Variants in IMMP2L observed in about 807,000 individuals in gnomAD.
IMMP2L encodes the protein mitochondrial inner membrane protease subunit 2.
A neutral mutation model predicts 19.3 loss-of-function variants in IMMP2L; 18 were observed. That is an observed-to-expected ratio of 0.93 (90% CI 0.64 to 1.38). The LOEUF is 1.38. IMMP2L is among the 40% of genes most tolerant of loss of function. The pLI is 0.00. For missense variants in IMMP2L, 233 were observed against 218.2 expected (o/e 1.07, Z -0.43); for synonymous variants, 76 against 73.0 (o/e 1.04, Z -0.21).
chr7:111,483,500 TTAAA>T (rs1419784157), intron 3 of IMMP2L: 2 of 152,262 alleles, frequency 1.3e-5, no homozygotes, highest in African/African-American at 4.8e-5. Flanking sequence ...AATAATGTTA[TTAAA>T]TAAATGTAGC....
At chr7:111,521,068 T>C (rs1435277792) in intron 2 of IMMP2L, among the ~76,000 whole-genome samples, 1 of 152,146 alleles carries the variant, frequency 6.6e-6, no homozygotes, top group East Asian at 1.9e-4. Context: ...CCATTTAAAA[T>C]TCTCAGAAAA....
intron 5 of IMMP2L, among the ~76,000 whole-genome samples, chr7:110,874,144 A>G (rs970978961): frequency 1.3e-5 from 2 of 152,176 alleles, no homozygotes; most frequent in African/African-American, 4.8e-5. Context: ...GTAATATAAA[A>G]GCACATTAAA....
At position 111,021,211 on chromosome 7, in the gene IMMP2L, C is replaced by G. The variant is rs141040792; in HGVS notation, c.240-57646G>C. ...TTATAGGTTAGCTATTTCCTCATGG[C>G]AGACAAAACAGTTTCCATTATCCAG... On this transcript the variant is annotated intron_variant, in intron 3 of 5. Transcript: ENST00000405709. Among the ~76,000 whole-genome samples the G allele has an allele frequency of 6.1e-4, 93 of 152,294 alleles. 1 individual carries two copies. Among genetic ancestry groups the G allele is most frequent in the African/African-American group, 2.1e-3 (88 of 41,554 alleles).
At chr7:110,851,798 T>C (rs937040918) in intron 5 of IMMP2L, among the ~76,000 whole-genome samples, 1 of 152,130 alleles carries the variant, frequency 6.6e-6, no homozygotes, top group Non-Finnish European at 1.5e-5. Flanking sequence ...ATGCAGAAAT[T>C]AAAAATGATA....
intron 3 of IMMP2L, among the ~76,000 whole-genome samples, chr7:111,067,073 A>T (rs906454912): frequency 6.6e-6 from 1 of 152,138 alleles, no homozygotes; most frequent in African/African-American, 2.4e-5. Context: ...TGGAAACTTC[A>T]TGTCTGGTAC....
chr7:111,400,615 A>G (rs1833332651), intron 3 of IMMP2L, among the ~76,000 whole-genome samples: 1 of 152,054 alleles, frequency 6.6e-6, no homozygotes, highest in Non-Finnish European at 1.5e-5. Context: ...CTGTAGTCTG[A>G]ACAACAGTGC....
chr7:111,071,845 C>T (rs910056912), intron 3 of IMMP2L, among the ~76,000 whole-genome samples: 1 of 152,014 alleles, frequency 6.6e-6, no homozygotes, highest in Non-Finnish European at 1.5e-5. Context: ...TAAATGCCAG[C>T]AAATTTATAC....
At chr7:111,337,812 T>C (rs1430066346) in intron 3 of IMMP2L, among the ~76,000 whole-genome samples, 2 of 152,118 alleles carry the variant, frequency 1.3e-5, no homozygotes, top group South Asian at 2.1e-4. Context: ...CTAAGTACCA[T>C]ACATTCAGGA....
intron 5 of IMMP2L, among the ~76,000 whole-genome samples, chr7:110,878,901 T>C (rs1038386322): frequency 1.3e-5 from 2 of 152,156 alleles, no homozygotes; most frequent in African/African-American, 2.4e-5. Context: ...GGTATATTTA[T>C]CAAGTTAGGA....
chr7:111,169,530 G>C (rs1228841103), intron 3 of IMMP2L, among the ~76,000 whole-genome samples: 1 of 151,762 alleles, frequency 6.6e-6, no homozygotes, highest in Non-Finnish European at 1.5e-5. Context: ...CATGTCCCAC[G>C]CCTCTCTCTT....
rs182570497 is a variant in IMMP2L, at chr7:110,669,940, T to G, written c.409-6219A>C. Among the ~76,000 whole-genome samples the G allele has an allele frequency of 4.9e-4, 74 of 152,302 alleles. No homozygotes were observed. In the East Asian group the frequency reaches 0.013, roughly 27 times the overall value. ...ATAATTGCTTCTCAATACTGCTAGGTCCCACGTTCTTTCCTGAAAAAATAG... is the reference window on the plus strand; with the variant it reads ...ATAATTGCTTCTCAATACTGCTAGGGCCCACGTTCTTTCCTGAAAAAATAG... On this transcript the variant is annotated intron_variant, in intron 5 of 5. Transcript: ENST00000405709.
At chr7:111,301,281 C>T (rs558149036) in intron 3 of IMMP2L, among the ~76,000 whole-genome samples, 13 of 151,248 alleles carry the variant, frequency 8.6e-5, no homozygotes, top group Middle Eastern at 6.8e-3. Context: ...TTGTTCATTT[C>T]CTAATTGAAT....
chr7:111,373,246 G>T (rs1380999660), intron 3 of IMMP2L, among the ~76,000 whole-genome samples: 1 of 151,808 alleles, frequency 6.6e-6, no homozygotes, highest in East Asian at 1.9e-4. Flanking sequence ...TCTATGAAAA[G>T]GAAAAAGAAT....
rs117409337 is a variant in IMMP2L, at chr7:110,706,684, T to C, written c.409-42963A>G. Among the ~76,000 whole-genome samples, 39 of 152,258 alleles carry C rather than the reference T, an allele frequency of 2.6e-4. No homozygotes were observed. In the East Asian group the frequency reaches 7.5e-3, roughly 29 times the overall value. ...GAAGTGTCCATGTCTTTTGCCCACT[T>C]TTTAATGGGGTTGTTTTTGCTTGTT... On this transcript the variant is annotated intron_variant, in intron 5 of 5. Coordinates refer to ENST00000405709, the MANE Select transcript of IMMP2L (RefSeq NM_032549.4).
At chr7:110,956,569 C>T (rs1818375965) in intron 4 of IMMP2L, among the ~76,000 whole-genome samples, 2 of 151,930 alleles carry the variant, frequency 1.3e-5, no homozygotes, top group Non-Finnish European at 1.5e-5. Flanking sequence ...TTGGCAGTCC[C>T]AGTTTACATT....
Position 110,663,393 on chromosome 7 carries a change from C to T in IMMP2L, c.*209G>A, listed in dbSNP as rs1791207622. ...TTTGGGGGCATTAAACAACAGGGAA[C>T]TAAAATTTAACACAAAATCAGGTGC... On this transcript the variant is annotated 3_prime_UTR_variant, in exon 6 of 6. Coordinates refer to ENST00000405709, the MANE Select transcript of IMMP2L (RefSeq NM_032549.4). 1 of 441,100 alleles carries T rather than the reference C, an allele frequency of 2.3e-6. No individual in the cohort carries two copies. The allele number at this position is 441,100 out of a possible 1,614,324, so 27.3% of individuals were successfully genotyped here. A position where few individuals can be genotyped will look rare whatever the true frequency, so the allele number is the denominator to read the frequency against.
chr7:111,054,036 T>C (rs1005869711), intron 3 of IMMP2L, among the ~76,000 whole-genome samples: 6 of 52,562 alleles, frequency 1.1e-4, no homozygotes, highest in African/African-American at 3.6e-4. Context: ...TAATTTGTAA[T>C]GACAGGAAAA....
intron 4 of IMMP2L, among the ~76,000 whole-genome samples, chr7:110,955,492 A>G (rs1818272019): frequency 6.6e-6 from 1 of 151,728 alleles, no homozygotes; most frequent in Admixed American, 6.6e-5. Flanking sequence ...TCCCTTGTCT[A>G]TTAAACAGCA....
At chr7:111,548,501 C>T (rs932566069) in intron 1 of IMMP2L, among the ~76,000 whole-genome samples, 4 of 152,028 alleles carry the variant, frequency 2.6e-5, no homozygotes, top group Non-Finnish European at 5.9e-5. Context: ...TTGAAGTTAA[C>T]AGAAGAAAGT....
Sources: gnomAD v4.1 joint callset for allele counts (sites outside exome capture counted in the v4.1 genomes callset) on GRCh38, gnomAD v4.1.1 for gene constraint, MANE v1.5 for transcripts, NCBI Gene and HGNC (gene_info 2026-07-23, HGNC 2026-07-21) for gene names.